The following PROM1 variants were observed in gnomAD, a reference collection of about 807,000 sequenced individuals.
PROM1 encodes prominin 1, also known as prominin-1.
PROM1 carries 105 observed loss-of-function variants against 116.9 expected under a neutral mutation model. The ratio of observed to expected loss-of-function variants is 0.90; its 90% confidence interval spans 0.77 to 1.06. The LOEUF (loss-of-function observed/expected upper bound fraction) is 1.06. PROM1 is among the 50% of genes least tolerant of loss of function. The pLI is 0.00. For synonymous variants in PROM1, 393 were observed against 387.0 expected (o/e 1.02, Z -0.18); for missense variants, 1,122 against 1,045.2 (o/e 1.07, Z -1.01).
Position 16,071,544 on chromosome 4 carries a change from G to T in PROM1, c.220+4143C>A, listed in dbSNP as rs534203503. 3.5e-4 allele frequency among the ~76,000 whole-genome samples: 53 copies of T among 152,236 alleles called. No homozygotes were observed. The South Asian group carries it at 9.7e-3, about 28-fold the overall frequency. On this transcript the variant is annotated intron_variant, in intron 2 of 27. Coordinates refer to ENST00000447510, the MANE Select transcript of PROM1 (RefSeq NM_006017.3). ...AATTAGGTTTAAATTAGGTCATAAG[G>T]GTGAGACCTTCATGATGGAATTAGT... is the stretch of plus-strand genomic sequence containing the variant.
chr4:16,038,681 G>A (rs377018327), intron 3 of PROM1, among the ~76,000 whole-genome samples: 3 of 152,188 alleles, frequency 2.0e-5, no homozygotes, highest in Non-Finnish European at 2.9e-5. Flanking sequence ...GATTACAGGC[G>A]TGAGCCACCA....
Position 16,007,977 on chromosome 4 carries a change from T to C in PROM1, c.1301+972A>G, listed in dbSNP as rs117917719. ...CCTTAAGGAAGTCACTTCACTTCCCTGAGCCCGTCTCCTTGTCTAGAAAAC... is the reference window on the plus strand; with the variant it reads ...CCTTAAGGAAGTCACTTCACTTCCCCGAGCCCGTCTCCTTGTCTAGAAAAC... On this transcript the variant is annotated intron_variant, in intron 12 of 27. Coordinates refer to ENST00000447510, the MANE Select transcript of PROM1 (RefSeq NM_006017.3). 1.8e-3 allele frequency among the ~76,000 whole-genome samples: 281 copies of C among 152,312 alleles called. 2 individuals carry two copies. The East Asian group carries it at 0.024, about 13-fold the overall frequency.
chr4:15,981,807 T>G (rs913654444), intron 23 of PROM1, among the ~76,000 whole-genome samples: 1 of 152,218 alleles, frequency 6.6e-6, no homozygotes, highest in African/African-American at 2.4e-5. Context: ...AAAGTATCCT[T>G]TTTTAAATAG....
chr4:15,989,570 T>G (rs1184333017), intron 19 of PROM1, among the ~76,000 whole-genome samples, 162 bp downstream of exon 19: 3 of 151,754 alleles, frequency 2.0e-5, no homozygotes, highest in Non-Finnish European at 4.4e-5. Context: ...CAGAGGGAGG[T>G]GCAATTATTT....
intron 5 of PROM1, among the ~76,000 whole-genome samples, chr4:16,025,715 A>ACATG (rs1341122426): frequency 8.6e-6 from 1 of 116,608 alleles, no homozygotes; most frequent in Non-Finnish European, 1.6e-5. Flanking sequence ...GAACACACAC[A>ACATG]CACGCACACA....
intron 9 of PROM1, 27 bp downstream of exon 9, chr4:16,018,296 G>A: frequency 6.2e-7 from 1 of 1,605,096 alleles, no homozygotes; most frequent in Non-Finnish European, 8.5e-7. Flanking sequence ...TGCAGCCCTT[G>A]ACCATGGCAA....
intron 2 of PROM1, among the ~76,000 whole-genome samples, chr4:16,048,624 C>A (rs944356523): frequency 2.6e-5 from 4 of 151,882 alleles, no homozygotes; most frequent in African/African-American, 9.7e-5. Context: ...TACTTTTTTC[C>A]TATATCAGTT....
chr4:16,036,290 T>C (rs1190001789), intron 3 of PROM1, among the ~76,000 whole-genome samples: 1 of 152,244 alleles, frequency 6.6e-6, no homozygotes, highest in African/African-American at 2.4e-5. Context: ...GGTGGCTCTA[T>C]GTCATTTTCT....
intron 8 of PROM1, among the ~76,000 whole-genome samples, chr4:16,018,919 G>A (rs906033765): frequency 9.2e-5 from 14 of 152,194 alleles, no homozygotes; most frequent in African/African-American, 3.4e-4. Flanking sequence ...CATCAAAATG[G>A]ATTACGCCCA....
chr4:16,081,423 T>C (rs936937369), intron 1 of PROM1, among the ~76,000 whole-genome samples: 1 of 152,150 alleles, frequency 6.6e-6, no homozygotes, highest in Non-Finnish European at 1.5e-5. Flanking sequence ...ATAAAAACCC[T>C]AGAAGAAAAC....
At position 15,971,038 on chromosome 4, in the gene PROM1, CT is replaced by C; in HGVS notation, c.*24+4del. The C allele has an allele frequency of 6.3e-7, 1 of 1,578,660 alleles. No individual in the cohort carries two copies. On this transcript the variant is annotated splice_donor_region_variant and intron_variant, in intron 27 of 27. Coordinates refer to ENST00000447510, the MANE Select transcript of PROM1 (RefSeq NM_006017.3). ...GATTCTCTTCAATGAAAGCATCAAA[CT>C]TACCTCAAGCAGTTTCAACATCAGC...
intron 1 of PROM1, chr4:16,082,234 C>CA (rs1360571048): frequency 6.6e-6 from 1 of 152,102 alleles, no homozygotes; most frequent in Non-Finnish European, 1.5e-5. Flanking sequence ...AAATGAGTAA[C>CA]ATCACACAAG....
chr4:16,027,553 A>G (rs1731635293), intron 5 of PROM1, among the ~76,000 whole-genome samples: 1 of 152,080 alleles, frequency 6.6e-6, no homozygotes, highest in Non-Finnish European at 1.5e-5. Flanking sequence ...CTTTCACTTG[A>G]CCCTCACTGA....
At chr4:16,002,789 C>T (rs1181259099) in intron 13 of PROM1, among the ~76,000 whole-genome samples, 3 of 152,126 alleles carry the variant, frequency 2.0e-5, no homozygotes, top group African/African-American at 2.4e-5. Flanking sequence ...TACTCTAAAT[C>T]GCATACAGTC....
At chr4:15,969,531 G>A (rs2148961070) in intron 27 of PROM1, among the ~76,000 whole-genome samples, 163 bp from the exon 28 acceptor site, 1 of 152,270 alleles carries the variant, frequency 6.6e-6, no homozygotes, top group African/African-American at 2.4e-5. Flanking sequence ...AAAGCAATCT[G>A]TTAAAATATA....
chr4:16,029,113 T>C (rs1732063219), intron 5 of PROM1, among the ~76,000 whole-genome samples: 1 of 152,226 alleles, frequency 6.6e-6, no homozygotes, highest in Non-Finnish European at 1.5e-5. Context: ...AAACTGTAAG[T>C]AACCAGACCT....
At chr4:16,058,691 G>C (rs1473276544) in intron 2 of PROM1, among the ~76,000 whole-genome samples, 7 of 150,466 alleles carry the variant, frequency 4.7e-5, no homozygotes, top group African/African-American at 1.7e-4. Context: ...TAAAAACTTA[G>C]AGGAGGAAGC....
Position 16,038,934 on chromosome 4 carries a change from A to G in PROM1, c.276+12T>C, listed in dbSNP as rs753497851. On this transcript the variant is annotated intron_variant, in intron 3 of 27. Transcript: ENST00000447510. ...CGTATTTTTAATAATAAATACACCA[A>G]TGAAAAATTACCTTGTCATAATCAA... The G allele has an allele frequency of 2.0e-6, 3 of 1,471,056 alleles. No homozygotes were observed. Among genetic ancestry groups the G allele is most frequent in the Admixed American group, 2.5e-5 (1 of 40,618 alleles). 91.1% of individuals were successfully genotyped at this position (1,471,056 alleles called of 1,614,324 possible).
intron 7 of PROM1, among the ~76,000 whole-genome samples, chr4:16,023,777 C>G (rs576079164): frequency 1.3e-5 from 2 of 152,226 alleles, no homozygotes; most frequent in African/African-American, 2.4e-5. Flanking sequence ...GGCTTTGACA[C>G]GCTAGATGTT....
Sources: gnomAD v4.1 joint callset for allele counts (sites outside exome capture counted in the v4.1 genomes callset) on GRCh38, gnomAD v4.1.1 for gene constraint, MANE v1.5 for transcripts, NCBI Gene and HGNC (gene_info 2026-07-23, HGNC 2026-07-21) for gene names.